Variants in DMD observed in about 807,000 individuals in gnomAD.
The protein encoded by DMD is mutant dystrophin.
A neutral mutation model predicts 330.1 loss-of-function variants in DMD; 63 were observed. The observed-to-expected ratio is 0.19, with a 90% CI of 0.16 to 0.24. The LOEUF (loss-of-function observed/expected upper bound fraction) is 0.24, where lower values mean the gene tolerates loss of function less well. Among genes scored for constraint, DMD ranks in the 10% least tolerant of loss-of-function variants. The pLI is 1.00. For missense variants in DMD, 3,344 were observed against 2,684.1 expected (o/e 1.25, Z -5.43); for synonymous variants, 1,223 against 959.8 (o/e 1.27, Z -5.07).
chrX:31,843,153 T>G (rs1245862012), intron 48 of DMD, among the ~76,000 whole-genome samples: 2 of 112,238 alleles, frequency 1.8e-5, no homozygotes, highest in African/African-American at 6.5e-5. Context: ...CCTTGGCTTT[T>G]CTATTGTGAA....
intron 1 of DMD, among the ~76,000 whole-genome samples, chrX:33,194,849 A>C (rs1160698875): frequency 1.8e-5 from 2 of 111,914 alleles, no homozygotes; most frequent in African/African-American, 3.2e-5. Context: ...TTACATGAAT[A>C]ATATGTTAAC....
intron 49 of DMD, among the ~76,000 whole-genome samples, chrX:31,831,304 T>C (rs900056962): frequency 5.4e-5 from 6 of 112,062 alleles, no homozygotes; most frequent in Admixed American, 1.9e-4. Context: ...TGAATGAAAT[T>C]GTTTCATAAA....
At chrX:32,972,882 T>C (rs1292483055) in intron 2 of DMD, among the ~76,000 whole-genome samples, 1 of 112,071 alleles carries the variant, frequency 8.9e-6, no homozygotes, top group East Asian at 2.8e-4. Context: ...TTGTTCTGGA[T>C]TATTATATTT....
rs1031061414 is a variant in DMD, at chrX:32,727,364, A to G, written c.650-28071T>C. ...TGAATTCATTGAGACTTGTATAAAA[A>G]TGGTTTCACGAGACCATTGAGTTTA... On this transcript the variant is annotated intron_variant, in intron 7 of 78. Coordinates refer to ENST00000357033, the MANE Select transcript of DMD (RefSeq NM_004006.3). Among the ~76,000 whole-genome samples the G allele has an allele frequency of 1.1e-3, 125 of 111,267 alleles. 1 individual carries two copies. Among genetic ancestry groups the G allele is most frequent in the African/African-American group, 4.0e-3 (122 of 30,808 alleles).
At chrX:32,987,490 T>C (rs1464091519) in intron 2 of DMD, among the ~76,000 whole-genome samples, 3 of 111,628 alleles carry the variant, frequency 2.7e-5, no homozygotes, top group Non-Finnish European at 5.6e-5. Flanking sequence ...CAGCAAACTG[T>C]TGGAGAGTTA....
intron 2 of DMD, among the ~76,000 whole-genome samples, chrX:32,870,268 C>G (rs2082846351): frequency 9.0e-6 from 1 of 111,655 alleles, no homozygotes; most frequent in Non-Finnish European, 1.9e-5. Context: ...CTACAAACCA[C>G]TGCTCAAGGA....
At chrX:32,315,589 G>A (rs187147559) in intron 41 of DMD, among the ~76,000 whole-genome samples, 2 of 110,236 alleles carry the variant, frequency 1.8e-5, no homozygotes, top group Admixed American at 9.7e-5. Flanking sequence ...ATAATAATTC[G>A]TGCTCTCAGA....
At chrX:32,936,168 A>G (rs1849243984) in intron 2 of DMD, among the ~76,000 whole-genome samples, 1 of 108,095 alleles carries the variant, frequency 9.3e-6, no homozygotes, top group Non-Finnish European at 1.9e-5. Context: ...CTGGAGTGCA[A>G]TGGCGCCATC....
At chrX:32,026,986 C>T (rs1442370253) in intron 44 of DMD, among the ~76,000 whole-genome samples, 1 of 111,102 alleles carries the variant, frequency 9.0e-6, no homozygotes, top group East Asian at 2.8e-4. Flanking sequence ...AGTCACATGG[C>T]TCTAACTAGA....
chrX:32,759,813 C>T (rs1226742506), intron 7 of DMD, among the ~76,000 whole-genome samples: 1 of 81,139 alleles, frequency 1.2e-5, no homozygotes, highest in Non-Finnish European at 2.2e-5. Flanking sequence ...ACTACTGGAT[C>T]TTATGTTTAA....
At chrX:32,373,987 A>C (rs1474279156) in intron 34 of DMD, among the ~76,000 whole-genome samples, 1 of 111,885 alleles carries the variant, frequency 8.9e-6, no homozygotes, top group Non-Finnish European at 1.9e-5. Context: ...ACTTTTTAAC[A>C]AAAGCCATTC....
At chrX:31,605,530 T>G (rs2077570123) in intron 55 of DMD, among the ~76,000 whole-genome samples, 1 of 111,937 alleles carries the variant, frequency 8.9e-6, no homozygotes, top group African/African-American at 3.2e-5. Flanking sequence ...TCAATTTTAT[T>G]TTTAGGACAT....
chrX:32,528,100 G>C (rs919317851), intron 17 of DMD, among the ~76,000 whole-genome samples: 2 of 111,843 alleles, frequency 1.8e-5, no homozygotes, highest in Non-Finnish European at 3.8e-5. Context: ...CTTGAGGTCA[G>C]GAGTTCAGGA....
chrX:32,741,514 G>C, intron 7 of DMD, among the ~76,000 whole-genome samples: 1 of 111,398 alleles, frequency 9.0e-6, no homozygotes, highest in Non-Finnish European at 1.9e-5. Context: ...TCCATAAGAC[G>C]ATCAACAACC....
chrX:33,237,292 G>T (rs1347430668), intron 1 of DMD, among the ~76,000 whole-genome samples: 1 of 103,793 alleles, frequency 9.6e-6, no homozygotes, highest in Admixed American at 1.1e-4. Context: ...TGCCCAGGCT[G>T]GAGTACAATG....
intron 61 of DMD, among the ~76,000 whole-genome samples, chrX:31,344,363 A>C (rs893170190): frequency 1.8e-5 from 2 of 112,083 alleles, no homozygotes; most frequent in African/African-American, 6.5e-5. Flanking sequence ...ATTGTGAAAT[A>C]ATCTTTATAT....
chrX:31,575,329 T>A (rs1318877594), intron 55 of DMD, among the ~76,000 whole-genome samples: 1 of 111,617 alleles, frequency 9.0e-6, no homozygotes, highest in Non-Finnish European at 1.9e-5. Context: ...CATTTGGCCA[T>A]ATCTATGAAC....
intron 7 of DMD, among the ~76,000 whole-genome samples, chrX:32,795,598 A>C (rs1340221072): frequency 2.7e-5 from 3 of 112,083 alleles, no homozygotes; most frequent in Non-Finnish European, 5.6e-5. Context: ...GGCAACAAAA[A>C]CATAAATAGA....
chrX:33,044,787 G>A (rs911083727), intron 1 of DMD, among the ~76,000 whole-genome samples: 4 of 111,869 alleles, frequency 3.6e-5, no homozygotes, highest in African/African-American at 1.3e-4. Context: ...AATGTTTCTT[G>A]ACCTACTTCT....
Sources: allele counts gnomAD v4.1 joint callset (sites outside exome capture counted in the v4.1 genomes callset), GRCh38; gene constraint gnomAD v4.1.1; transcripts MANE v1.5; gene names NCBI Gene and HGNC (gene_info 2026-07-23, HGNC 2026-07-21).